TMEM132C: variants seen among roughly 807,000 people sequenced by gnomAD.
TMEM132C encodes the protein transmembrane protein 132C, also known as protein phosphatase 1, regulatory subunit 152.
A neutral mutation model predicts 61.4 loss-of-function variants in TMEM132C; 29 were observed. That is an observed-to-expected ratio of 0.47 (90% CI 0.35 to 0.64). TMEM132C has a LOEUF of 0.64. TMEM132C is among the 30% of genes least tolerant of loss of function. The pLI is 0.00. For missense variants in TMEM132C, 1,408 were observed against 1,476.9 expected (o/e 0.95, Z 0.76); for synonymous variants, 656 against 633.1 (o/e 1.04, Z -0.54).
chr12:128,380,807 A>G (rs1304602378), intron 1 of TMEM132C, among the ~76,000 whole-genome samples: 1 of 152,212 alleles, frequency 6.6e-6, no homozygotes, highest in African/African-American at 2.4e-5. Flanking sequence ...TCTGGTCATA[A>G]CATATTCATC....
chr12:128,453,600 C>G (rs866758914), intron 2 of TMEM132C, among the ~76,000 whole-genome samples: 4 of 152,092 alleles, frequency 2.6e-5, no homozygotes, highest in Admixed American at 1.3e-4. Flanking sequence ...AGTCATGTTG[C>G]AAGCAGACAA....
intron 8 of TMEM132C, among the ~76,000 whole-genome samples, chr12:128,699,620 A>G (rs1040467973): frequency 6.6e-5 from 10 of 152,196 alleles, no homozygotes; most frequent in African/African-American, 2.4e-4. Flanking sequence ...CACCAGCTAG[A>G]GAAATCGCTC....
chr12:128,434,654 G>A lies in TMEM132C; in HGVS notation c.974+19034G>A, dbSNP rs539610862. Among the ~76,000 whole-genome samples the A allele has an allele frequency of 2.6e-5, 4 of 151,810 alleles. No individual in the cohort carries two copies. In the South Asian group the frequency reaches 8.3e-4, roughly 32 times the overall value. ...GTCTCCCTCTGTCACCCAGCCTCGT[G>A]TGCAGTGGCATGATCTCGGCTCACT... On this transcript the variant is annotated intron_variant, in intron 2 of 8. Coordinates refer to ENST00000435159, the MANE Select transcript of TMEM132C (RefSeq NM_001136103.3).
At chr12:128,576,447 G>A (rs767812302) in intron 3 of TMEM132C, among the ~76,000 whole-genome samples, 4 of 152,220 alleles carry the variant, frequency 2.6e-5, no homozygotes, top group Admixed American at 6.5e-5. Flanking sequence ...AAAACAGCCC[G>A]TGAGTGGGCA....
rs201012004 is a variant in TMEM132C at position 128,278,745 on chromosome 12, C to CGTGTGTGT, written c.85+11262_85+11263insGTGTGTGT. ...ATATTTGTGCAGACTTGATTCTATACGTGTATGTGTGTGTGTGTGTGTGTG... is the reference window on the plus strand; with the variant it reads ...ATATTTGTGCAGACTTGATTCTATACGTGTGTGTGTGTATGTGTGTGTGTGTGTGTGTG... On this transcript the variant is annotated intron_variant, in intron 1 of 8. Coordinates refer to ENST00000435159, the MANE Select transcript of TMEM132C (RefSeq NM_001136103.3). This position sits in a 1 kb window ranked among gnomAD's most constrained non-coding sequence, Gnocchi z 4.2. Among the ~76,000 whole-genome samples, 292 of 135,662 alleles carry CGTGTGTGT rather than the reference C, an allele frequency of 2.2e-3. 1 individual carries two copies. The highest frequency in any genetic ancestry group is 6.5e-3 in the South Asian group (26 of 4,020). 89.0% of individuals were successfully genotyped at this position (135,662 alleles called of 152,430 possible).
rs1870332521 is a variant in TMEM132C at position 128,267,216 on chromosome 12, G to A, written c.-187G>A. ...CGCGAGCAGCGGCGGAGCCGGAGCC[G>A]CCAGAGCCAGAGCCGGAGCTGCGGC... On this transcript the variant is annotated 5_prime_UTR_variant, in exon 1 of 9. Coordinates refer to ENST00000435159, the MANE Select transcript of TMEM132C (RefSeq NM_001136103.3). Among the ~76,000 whole-genome samples the A allele has an allele frequency of 6.8e-6, 1 of 147,020 alleles. No individual in the cohort carries two copies. The highest frequency in any genetic ancestry group is 2.4e-5 in the African/African-American group (1 of 40,862).
intron 1 of TMEM132C, among the ~76,000 whole-genome samples, chr12:128,328,542 A>G (rs1872588805): frequency 2.0e-5 from 3 of 152,172 alleles, no homozygotes; most frequent in Non-Finnish European, 2.9e-5. Context: ...TAATCCCAGC[A>G]CTTTGGGAGG....
At chr12:128,284,810 C>A (rs1392555337) in intron 1 of TMEM132C, among the ~76,000 whole-genome samples, 1 of 152,148 alleles carries the variant, frequency 6.6e-6, no homozygotes, top group Non-Finnish European at 1.5e-5. Flanking sequence ...ATAACCCTTT[C>A]TAAGGCTATG....
At chr12:128,301,406 A>G (rs1228607240) in intron 1 of TMEM132C, among the ~76,000 whole-genome samples, 2 of 152,162 alleles carry the variant, frequency 1.3e-5, no homozygotes, top group Non-Finnish European at 1.5e-5. Flanking sequence ...TTTTACTTGT[A>G]TCTCAAAGAA....
chr12:128,340,884 C>CT (rs1173287453), intron 1 of TMEM132C, among the ~76,000 whole-genome samples: 1 of 122,510 alleles, frequency 8.2e-6, no homozygotes, highest in Non-Finnish European at 1.7e-5. Context: ...TTTCTTTTTT[C>CT]TTTTTCTTTC....
intron 2 of TMEM132C, among the ~76,000 whole-genome samples, chr12:128,518,031 G>A (rs1413336230): frequency 6.6e-6 from 1 of 152,216 alleles, no homozygotes; most frequent in Non-Finnish European, 1.5e-5. Flanking sequence ...TTCAGGTATA[G>A]CAGAAGTCTT....
chr12:128,591,422 A>G (rs1875746036), intron 3 of TMEM132C, among the ~76,000 whole-genome samples: 1 of 152,094 alleles, frequency 6.6e-6, no homozygotes, highest in Admixed American at 6.5e-5. Context: ...GGGGTCGTCC[A>G]TGCCTCCTTC....
intron 1 of TMEM132C, among the ~76,000 whole-genome samples, chr12:128,331,385 A>G (rs1172312599): frequency 6.6e-6 from 1 of 152,218 alleles, no homozygotes; most frequent in African/African-American, 2.4e-5. Flanking sequence ...AGAACATCCA[A>G]CATGCGAATA....
At chr12:128,509,785 G>A (rs2136117072) in intron 2 of TMEM132C, among the ~76,000 whole-genome samples, 1 of 152,264 alleles carries the variant, frequency 6.6e-6, no homozygotes, top group South Asian at 2.1e-4. Flanking sequence ...GGACAGGGGA[G>A]GATTTGGTAA....
intron 1 of TMEM132C, among the ~76,000 whole-genome samples, chr12:128,290,455 C>T (rs753315595): frequency 4.1e-4 from 63 of 152,134 alleles, no homozygotes; most frequent in Non-Finnish European, 6.8e-4. Context: ...CACCCCCGAC[C>T]AGGTCCCTCC....
At chr12:128,376,822 T>C (rs1043579529) in intron 1 of TMEM132C, among the ~76,000 whole-genome samples, 8 of 152,196 alleles carry the variant, frequency 5.3e-5, no homozygotes, top group Non-Finnish European at 1.2e-4. Flanking sequence ...TGTAAACCTG[T>C]TTTTCCTCAC....
chr12:128,679,211 G>GAGAGCTC (rs528709463), intron 5 of TMEM132C, among the ~76,000 whole-genome samples: 17 of 152,262 alleles, frequency 1.1e-4, no homozygotes, highest in Non-Finnish European at 2.5e-4. Context: ...GCTGAGAGCT[G>GAGAGCTC]TTCAAAGCAG....
chr12:128,390,206 C>G (rs1874719119), intron 1 of TMEM132C, among the ~76,000 whole-genome samples: 1 of 152,156 alleles, frequency 6.6e-6, no homozygotes, highest in Non-Finnish European at 1.5e-5. Context: ...AATGGAGCGC[C>G]ACAACTTTCT....
At chr12:128,572,935 TA>T (rs1874946480) in intron 3 of TMEM132C, among the ~76,000 whole-genome samples, 2 of 152,144 alleles carry the variant, frequency 1.3e-5, no homozygotes, top group African/African-American at 4.8e-5. Context: ...TGGCGATCAT[TA>T]AAAAGTCAGG....
Sources: allele counts gnomAD v4.1 joint callset (sites outside exome capture counted in the v4.1 genomes callset), GRCh38; gene constraint gnomAD v4.1.1; non-coding constraint Gnocchi (gnomAD v3.1); transcripts MANE v1.5; gene names NCBI Gene and HGNC (gene_info 2026-07-23, HGNC 2026-07-21).